Variants in SMYD3 observed in about 807,000 individuals in gnomAD.
The protein encoded by SMYD3 is SET and MYND domain containing 3.
Under a neutral mutation model 57.7 loss-of-function variants are expected in SMYD3, and 36 were observed. The observed-to-expected ratio is 0.62, with a 90% CI of 0.48 to 0.82. The LOEUF (loss-of-function observed/expected upper bound fraction) is 0.82, where lower values mean the gene tolerates loss of function less well. Ranked by LOEUF, SMYD3 falls within the 40% of genes least tolerant of loss-of-function variation. SMYD3 has a pLI of 0.00. For synonymous variants in SMYD3, 211 were observed against 195.0 expected (o/e 1.08, Z -0.68); for missense variants, 515 against 538.8 (o/e 0.96, Z 0.44).
intron 5 of SMYD3, among the ~76,000 whole-genome samples, chr1:246,065,872 G>A (rs371729418): frequency 2.6e-5 from 4 of 152,104 alleles, no homozygotes; most frequent in Non-Finnish European, 4.4e-5. Flanking sequence ...TTATAGCCAC[G>A]TAGAGTTCAC....
intron 8 of SMYD3, among the ~76,000 whole-genome samples, chr1:245,864,236 C>T (rs1207864184): frequency 6.6e-6 from 1 of 152,120 alleles, no homozygotes; most frequent in Non-Finnish European, 1.5e-5. Flanking sequence ...TTAGAGTTAC[C>T]ATATTAACAG....
intron 9 of SMYD3, among the ~76,000 whole-genome samples, chr1:245,860,259 G>C (rs2051466195): frequency 6.6e-6 from 1 of 151,976 alleles, no homozygotes; most frequent in Non-Finnish European, 1.5e-5. Context: ...TCTTCACTGA[G>C]GTCCTAACAG....
chr1:246,200,376 G>A (rs2062898940), intron 5 of SMYD3, among the ~76,000 whole-genome samples: 1 of 145,442 alleles, frequency 6.9e-6, no homozygotes, highest in African/African-American at 2.6e-5. Context: ...GTGATACAGA[G>A]GATGGAGAAC....
At chr1:246,045,689 C>A (rs2059951287) in intron 5 of SMYD3, among the ~76,000 whole-genome samples, 1 of 152,158 alleles carries the variant, frequency 6.6e-6, no homozygotes, top group South Asian at 2.1e-4. Context: ...TCAGAATGAA[C>A]AGGCAACCTA....
At chr1:246,050,428 T>C (rs1264897265) in intron 5 of SMYD3, among the ~76,000 whole-genome samples, 1 of 152,090 alleles carries the variant, frequency 6.6e-6, no homozygotes, top group African/African-American at 2.4e-5. Flanking sequence ...CCAAACTGGG[T>C]GGTTTTTCAC....
chr1:246,171,115 T>C (rs1049115359), intron 5 of SMYD3, among the ~76,000 whole-genome samples: 3 of 152,220 alleles, frequency 2.0e-5, no homozygotes, highest in African/African-American at 7.2e-5. Context: ...ATTTCTACTT[T>C]GGTCTAATAG....
chr1:246,419,977 C>T lies in SMYD3; in HGVS notation c.165-64883G>A, dbSNP rs142763140. On this transcript the variant is annotated intron_variant, in intron 1 of 11. Coordinates refer to ENST00000490107, the MANE Select transcript of SMYD3 (RefSeq NM_001167740.2). Reference sequence around the variant, plus strand: ...TCGGGAGGCCGAGGCAGGGGGATCACGAGGTCAGGAGATCGAGACTTCTCC... The same window carrying T: ...TCGGGAGGCCGAGGCAGGGGGATCATGAGGTCAGGAGATCGAGACTTCTCC... Among the ~76,000 whole-genome samples, 49 of 152,308 alleles carry T rather than the reference C, an allele frequency of 3.2e-4. No individual in the cohort carries two copies. The East Asian group carries it at 9.1e-3, about 28-fold the overall frequency.
intron 5 of SMYD3, among the ~76,000 whole-genome samples, chr1:246,016,446 G>A (rs1399964796): frequency 6.6e-6 from 1 of 151,040 alleles, no homozygotes; most frequent in Non-Finnish European, 1.5e-5. Context: ...AGCCAGGCGT[G>A]GTGGCATGTG....
chr1:245,861,302 T>G (rs760892763), intron 9 of SMYD3, among the ~76,000 whole-genome samples: 3 of 152,250 alleles, frequency 2.0e-5, no homozygotes, highest in Non-Finnish European at 4.4e-5. Context: ...CTAGCAGGGC[T>G]GGAGAGTGCA....
At chr1:245,940,255 C>T (rs12750953) in intron 5 of SMYD3, among the ~76,000 whole-genome samples, 24,871 of 152,126 alleles carry the variant, frequency 0.16, 3,390 homozygotes, top group African/African-American at 0.37. Flanking sequence ...CTCCCCCCAG[C>T]GCAGTGCACC....
At position 246,405,684 on chromosome 1, in the gene SMYD3, G is replaced by A. The variant is rs559326604; in HGVS notation, c.165-50590C>T. 3.8e-3 allele frequency among the ~76,000 whole-genome samples: 572 copies of A among 152,140 alleles called. 2 individuals are homozygous for A. Among genetic ancestry groups the A allele is most frequent in the Non-Finnish European group, 6.6e-3 (447 of 67,992 alleles). On this transcript the variant is annotated intron_variant, in intron 1 of 11. Coordinates refer to ENST00000490107, the MANE Select transcript of SMYD3 (RefSeq NM_001167740.2). ...AGCACTTTGGGAGGCCGAGGCGGGC[G>A]GATCACGAGGTCAGGAGATCGAGAC...
At chr1:246,048,336 T>C (rs2060005720) in intron 5 of SMYD3, among the ~76,000 whole-genome samples, 1 of 152,170 alleles carries the variant, frequency 6.6e-6, no homozygotes, top group East Asian at 1.9e-4. Context: ...TTCTAGAATA[T>C]AAAATTCACG....
chr1:245,785,312 T>TA (rs971075621), intron 10 of SMYD3, among the ~76,000 whole-genome samples: 9 of 151,906 alleles, frequency 5.9e-5, no homozygotes, highest in African/African-American at 1.5e-4. Context: ...CAGGAGCATT[T>TA]AAAAAAAATC....
At chr1:246,399,783 A>G (rs1472772120) in intron 1 of SMYD3, among the ~76,000 whole-genome samples, 2 of 152,236 alleles carry the variant, frequency 1.3e-5, no homozygotes, top group Non-Finnish European at 2.9e-5. Flanking sequence ...TTGTAGCAAC[A>G]TGTCATCCTG....
intron 5 of SMYD3, among the ~76,000 whole-genome samples, chr1:246,135,844 T>A (rs181467642): frequency 6.6e-6 from 1 of 152,294 alleles, no homozygotes; most frequent in East Asian, 1.9e-4. Context: ...CAAACTCTAA[T>A]CTGGTCCATT....
At chr1:246,068,105 T>C (rs2060376839) in intron 5 of SMYD3, among the ~76,000 whole-genome samples, 1 of 152,168 alleles carries the variant, frequency 6.6e-6, no homozygotes, top group Non-Finnish European at 1.5e-5. Context: ...GTTGAGTCTT[T>C]CTTGGTTAAT....
chr1:246,481,621 T>TATATATATATATATACACACACAC (rs1307881494), intron 1 of SMYD3, among the ~76,000 whole-genome samples: 7 of 98,564 alleles, frequency 7.1e-5, no homozygotes, highest in East Asian at 3.7e-4. Flanking sequence ...CATACATATA[T>TATATATATATATATACACACACAC]ACATACATAC....
At chr1:245,964,250 G>C (rs1043435072) in intron 5 of SMYD3, among the ~76,000 whole-genome samples, 1 of 152,152 alleles carries the variant, frequency 6.6e-6, no homozygotes, top group Non-Finnish European at 1.5e-5. Flanking sequence ...CCATGCATGA[G>C]GGGTCCACCC....
At chr1:246,103,731 C>T (rs1254738550) in intron 5 of SMYD3, among the ~76,000 whole-genome samples, 1 of 152,134 alleles carries the variant, frequency 6.6e-6, no homozygotes, top group African/African-American at 2.4e-5. Flanking sequence ...AGAAAAAGCT[C>T]AAAATTATTA....
Sources: gnomAD v4.1 joint callset for allele counts (sites outside exome capture counted in the v4.1 genomes callset) on GRCh38, gnomAD v4.1.1 for gene constraint, MANE v1.5 for transcripts, NCBI Gene and HGNC (gene_info 2026-07-23, HGNC 2026-07-21) for gene names.